The following PARVA variants were observed in gnomAD, a reference collection of about 807,000 sequenced individuals.
PARVA encodes the protein alpha-parvin.
Under a neutral mutation model 52.6 loss-of-function variants are expected in PARVA, and 25 were observed. That is an observed-to-expected ratio of 0.48 (90% CI 0.35 to 0.66). The LOEUF (loss-of-function observed/expected upper bound fraction) is 0.66, where lower values mean the gene tolerates loss of function less well. Ranked by LOEUF, PARVA falls within the 30% of genes least tolerant of loss-of-function variation. PARVA has a pLI of 0.01. For missense variants in PARVA, 373 were observed against 450.9 expected (o/e 0.83, Z 1.56); for synonymous variants, 185 against 179.1 (o/e 1.03, Z -0.26).
chr11:12,476,212 C>T (rs1254509917), intron 3 of PARVA, among the ~76,000 whole-genome samples: 4 of 152,112 alleles, frequency 2.6e-5, no homozygotes, highest in Admixed American at 2.0e-4. Flanking sequence ...TAGGCCTGAG[C>T]CCTGGGGTGC....
intron 1 of PARVA, among the ~76,000 whole-genome samples, chr11:12,401,094 G>A (rs1939821276): frequency 6.6e-6 from 1 of 152,216 alleles, no homozygotes; most frequent in African/African-American, 2.4e-5. Flanking sequence ...ACTGCGGCAT[G>A]TAGTGGGACC....
At chr11:12,471,048 G>A (rs756394421) in intron 1 of PARVA, among the ~76,000 whole-genome samples, 5 of 152,230 alleles carry the variant, frequency 3.3e-5, no homozygotes, top group Admixed American at 1.3e-4. Context: ...TTGGACAGAT[G>A]CAAAAGGTGA....
At chr11:12,507,058 AT>A (rs5789726) in intron 6 of PARVA, among the ~76,000 whole-genome samples, 135,920 of 151,310 alleles carry the variant, frequency 0.9, 62,362 homozygotes, top group Non-Finnish European at 0.99. Context: ...TAAATGATAG[AT>A]TTTTTTTTTT....
At position 12,504,433 on chromosome 11, in the gene PARVA, A is replaced by C; in HGVS notation, c.657+4A>C. On this transcript the variant is annotated splice_donor_region_variant and intron_variant, in intron 6 of 12. Coordinates refer to ENST00000334956, the MANE Select transcript of PARVA (RefSeq NM_018222.5). Reference sequence around the variant, plus strand: ...CATCCAAGTGGTTGTGGTCCAGGTAAGACAGGTAACACTACAAACATCTGT... The same window carrying C: ...CATCCAAGTGGTTGTGGTCCAGGTACGACAGGTAACACTACAAACATCTGT... The C allele has an allele frequency of 6.3e-7, 1 of 1,578,168 alleles. No individual in the cohort carries two copies. The highest frequency in any genetic ancestry group is 8.7e-7 in the Non-Finnish European group (1 of 1,147,488).
At chr11:12,465,779 G>A (rs902630335) in intron 1 of PARVA, among the ~76,000 whole-genome samples, 1 of 152,176 alleles carries the variant, frequency 6.6e-6, no homozygotes, top group Non-Finnish European at 1.5e-5. Context: ...TATCTTGGTT[G>A]CTTGCAGTTT....
At chr11:12,523,211 T>C (rs569811710) in intron 12 of PARVA, among the ~76,000 whole-genome samples, 17 of 152,258 alleles carry the variant, frequency 1.1e-4, no homozygotes, top group Non-Finnish European at 1.9e-4. Context: ...CTGTACAGCA[T>C]GGATCCTGCC....
intron 4 of PARVA, among the ~76,000 whole-genome samples, chr11:12,490,647 C>G (rs866692145): frequency 6.6e-6 from 1 of 151,930 alleles, no homozygotes; most frequent in Non-Finnish European, 1.5e-5. Context: ...ATGAACCCCC[C>G]AAAAATACCT....
chr11:12,398,427 G>C (rs1278015849), intron 1 of PARVA: 6 of 151,226 alleles, frequency 4.0e-5, no homozygotes, highest in Non-Finnish European at 8.8e-5. Flanking sequence ...GGTGACCCTG[G>C]CTATTGTAAG....
At chr11:12,448,466 G>C (rs1940576867) in intron 1 of PARVA, among the ~76,000 whole-genome samples, 1 of 152,238 alleles carries the variant, frequency 6.6e-6, no homozygotes, top group African/African-American at 2.4e-5. Flanking sequence ...AGGAGTTGTA[G>C]CTCCAGACAT....
chr11:12,413,519 T>C (rs1020964047), intron 1 of PARVA, among the ~76,000 whole-genome samples: 15 of 152,194 alleles, frequency 9.9e-5, no homozygotes, highest in Admixed American at 5.2e-4. Flanking sequence ...TAGAATGCGA[T>C]ATGGTTTGTA....
chr11:12,501,106 CAAA>C (rs112564187), intron 5 of PARVA, among the ~76,000 whole-genome samples: 1 of 132,564 alleles, frequency 7.5e-6, no homozygotes, highest in Non-Finnish European at 1.7e-5. Flanking sequence ...AAATCCATCT[CAAA>C]AAAAAAAAAA....
intron 5 of PARVA, among the ~76,000 whole-genome samples, chr11:12,500,693 A>G (rs1448928682): frequency 6.6e-6 from 1 of 152,126 alleles, no homozygotes; most frequent in Non-Finnish European, 1.5e-5. Flanking sequence ...CGGGAGGCTG[A>G]GGCAGGAGAT....
intron 4 of PARVA, among the ~76,000 whole-genome samples, chr11:12,484,898 G>C (rs1179670069): frequency 1.4e-5 from 2 of 142,616 alleles, no homozygotes; most frequent in Admixed American, 7.4e-5. Context: ...CTGCAGCCTT[G>C]ACCTCCCTGG....
chr11:12,486,574 G>A (rs767482231), intron 4 of PARVA, among the ~76,000 whole-genome samples: 7 of 151,792 alleles, frequency 4.6e-5, no homozygotes, highest in South Asian at 2.1e-4. Context: ...AGCTGGGTGC[G>A]GTGGCTCATG....
intron 1 of PARVA, among the ~76,000 whole-genome samples, chr11:12,442,350 G>A (rs1277117606): frequency 6.6e-6 from 1 of 152,222 alleles, no homozygotes; most frequent in African/African-American, 2.4e-5. Flanking sequence ...GCTTTGGGAA[G>A]CATTAAGCAA....
chr11:12,427,097 T>G (rs1258974816), intron 1 of PARVA, among the ~76,000 whole-genome samples: 1 of 152,006 alleles, frequency 6.6e-6, no homozygotes, highest in Non-Finnish European at 1.5e-5. Context: ...AGAAATGAAG[T>G]AAAAATCAGG....
intron 1 of PARVA, among the ~76,000 whole-genome samples, chr11:12,469,203 A>C (rs11022363): frequency 6.6e-6 from 1 of 152,048 alleles, no homozygotes; most frequent in South Asian, 2.1e-4. Flanking sequence ...GAAGTAGGGT[A>C]CAAATCCACA....
intron 1 of PARVA, among the ~76,000 whole-genome samples, chr11:12,433,680 G>A (rs1416041384): frequency 6.6e-6 from 1 of 152,184 alleles, no homozygotes; most frequent in Non-Finnish European, 1.5e-5. Flanking sequence ...AGAGGTTGTT[G>A]TTTTAACTGA....
intron 4 of PARVA, chr11:12,480,549 T>C (rs1941073329): frequency 6.6e-6 from 1 of 152,116 alleles, no homozygotes; most frequent in Non-Finnish European, 1.5e-5. Context: ...TGGAACATGG[T>C]TGTGGAGGAA....
Sources: allele counts gnomAD v4.1 joint callset (sites outside exome capture counted in the v4.1 genomes callset), GRCh38; gene constraint gnomAD v4.1.1; transcripts MANE v1.5; gene names NCBI Gene and HGNC (gene_info 2026-07-23, HGNC 2026-07-21).